Variants in SNX13 observed in about 807,000 individuals in gnomAD.
The protein encoded by SNX13 is sorting nexin-13.
A neutral mutation model predicts 133.6 loss-of-function variants in SNX13; 45 were observed. That is an observed-to-expected ratio of 0.34 (90% CI 0.27 to 0.43). SNX13 has a LOEUF of 0.43. Ranked by LOEUF, SNX13 falls within the 20% of genes least tolerant of loss-of-function variation. The probability of loss-of-function intolerance (pLI) is 1.00; values close to 1 mark genes in which losing one functional copy is unlikely to be tolerated. For synonymous variants in SNX13, 414 were observed against 373.9 expected, an observed-to-expected ratio of 1.11 and a Z score of -1.24; for missense variants, 1,032 against 1,145.1, an observed-to-expected ratio of 0.90 and a Z score of 1.43.
At chr7:17,840,139 T>C in intron 12 of SNX13, 139 bp from the exon 13 acceptor site, 1 of 635,920 alleles carries the variant, frequency 1.6e-6, no homozygotes, top group Non-Finnish European at 2.4e-6. Context: ...AGCAAATCCC[T>C]GAGGTGAAAA....
intron 5 of SNX13, chr7:17,882,836 C>T: frequency 7.8e-7 from 1 of 1,277,290 alleles, no homozygotes; most frequent in Non-Finnish European, 1.0e-6. Flanking sequence ...TTCTAGGAGA[C>T]ACAGTGAGAC....
intron 7 of SNX13, among the ~76,000 whole-genome samples, chr7:17,874,891 A>T (rs914367635): frequency 6.6e-6 from 1 of 152,256 alleles, no homozygotes; most frequent in Non-Finnish European, 1.5e-5. Flanking sequence ...ATTTTATGGT[A>T]ACAGGTATAC....
intron 2 of SNX13, among the ~76,000 whole-genome samples, chr7:17,894,780 T>TA (rs1230908239): frequency 6.6e-6 from 1 of 152,164 alleles, no homozygotes; most frequent in Non-Finnish European, 1.5e-5. Context: ...AAGGGAACAG[T>TA]AAAACATTAA....
intron 15 of SNX13, among the ~76,000 whole-genome samples, chr7:17,833,241 G>T (rs149427009): frequency 6.6e-6 from 1 of 151,554 alleles, no homozygotes; most frequent in Non-Finnish European, 1.5e-5. Context: ...GTGTTCTAAA[G>T]GCTATCCCTC....
At chr7:17,912,541 G>A (rs535354496) in intron 1 of SNX13, among the ~76,000 whole-genome samples, 1 of 152,042 alleles carries the variant, frequency 6.6e-6, no homozygotes, top group Admixed American at 6.5e-5. Flanking sequence ...CTCCTGAGTA[G>A]CTGGGATTAC....
At chr7:17,853,712 G>A (rs1467744948) in intron 9 of SNX13, among the ~76,000 whole-genome samples, 1 of 152,208 alleles carries the variant, frequency 6.6e-6, no homozygotes, top group Non-Finnish European at 1.5e-5. Context: ...GGGAGGCTGA[G>A]GCGGGTGGAT....
chr7:17,801,532 A>G, intron 22 of SNX13, 56 bp downstream of exon 22: 2 of 1,375,500 alleles, frequency 1.5e-6, no homozygotes, highest in Non-Finnish European at 2.0e-6. Context: ...AAAAAGTTAA[A>G]AAGATATGCC....
chr7:17,869,136 T>C (rs1654758768), intron 8 of SNX13, among the ~76,000 whole-genome samples: 1 of 152,122 alleles, frequency 6.6e-6, no homozygotes, highest in African/African-American at 2.4e-5. Flanking sequence ...AAATAAATCT[T>C]GATCATTCCA....
Position 17,868,447 on chromosome 7 carries a change from A to G in SNX13, c.797T>C (p.Leu266Pro). 6.2e-7 allele frequency: 1 copy of G among 1,610,304 alleles called. No homozygotes were observed. Among genetic ancestry groups the G allele is most frequent in the Non-Finnish European group, 8.5e-7 (1 of 1,178,220 alleles). Residue 266 changes from leucine (L) to proline (P), a missense_variant, in exon 9 of 26, where the codon CTC becomes CCC. By Grantham distance (98) the Leu-to-Pro change is moderately conservative. Coordinates refer to ENST00000428135, the MANE Select transcript of SNX13 (RefSeq NM_015132.5). ...CTGATTAATATAATCAGGATCACTG[A>G]GTTGATTTATTAATGGAAGAAGAAT... ...RGILLPLINQ[L>P]SDPDYINQYV...
intron 9 of SNX13, among the ~76,000 whole-genome samples, chr7:17,860,908 A>C (rs372311327): frequency 3.9e-5 from 6 of 152,214 alleles, no homozygotes; most frequent in African/African-American, 1.4e-4. Flanking sequence ...GCAAAGAAAT[A>C]TCATTGGGAT....
intron 11 of SNX13, among the ~76,000 whole-genome samples, chr7:17,848,320 A>G (rs1259552455): frequency 6.6e-6 from 1 of 151,960 alleles, no homozygotes; most frequent in Non-Finnish European, 1.5e-5. Context: ...AGTCTCCAGC[A>G]TTTACCATCT....
At chr7:17,871,982 A>G (rs1794175126) in intron 8 of SNX13, among the ~76,000 whole-genome samples, 1 of 152,226 alleles carries the variant, frequency 6.6e-6, no homozygotes, top group South Asian at 2.1e-4. Flanking sequence ...AAAGGCACAC[A>G]GGATATGGAG....
Position 17,875,245 on chromosome 7 carries a change from G to A in SNX13, c.664+235C>T, listed in dbSNP as rs138854246. Among the ~76,000 whole-genome samples, 208 of 152,052 alleles carry A rather than the reference G, an allele frequency of 1.4e-3. 6 individuals are homozygous for A. In the East Asian group the frequency reaches 0.035, roughly 25 times the overall value. On this transcript the variant is annotated intron_variant, in intron 7 of 25. Transcript: ENST00000428135. Reference sequence around the variant, plus strand: ...GGCCTCCCAAAATGATGGGATTACAGGCATGAGCCACTGCACCCAGCCAGG... The same window carrying A: ...GGCCTCCCAAAATGATGGGATTACAAGCATGAGCCACTGCACCCAGCCAGG...
intron 1 of SNX13, among the ~76,000 whole-genome samples, chr7:17,927,231 G>GTATA (rs915143471): frequency 6.1e-5 from 9 of 148,692 alleles, no homozygotes; most frequent in African/African-American, 2.2e-4. Flanking sequence ...GTGCATGTGT[G>GTATA]TATATATATA....
intron 20 of SNX13, among the ~76,000 whole-genome samples, chr7:17,806,016 A>G (rs1050717556): frequency 2.6e-5 from 4 of 152,190 alleles, no homozygotes; most frequent in Non-Finnish European, 5.9e-5. Context: ...AGATTTTTAG[A>G]AAAAAAGAAA....
intron 20 of SNX13, among the ~76,000 whole-genome samples, chr7:17,808,669 T>G (rs561706111): frequency 6.6e-6 from 1 of 152,142 alleles, no homozygotes; most frequent in Non-Finnish European, 1.5e-5. Context: ...TCACCAAGGT[T>G]GAAATGAAGG....
At chr7:17,911,966 G>A (rs905788523) in intron 1 of SNX13, among the ~76,000 whole-genome samples, 4 of 152,060 alleles carry the variant, frequency 2.6e-5, no homozygotes, top group Non-Finnish European at 4.4e-5. Context: ...ACTAAATGTT[G>A]GCATTCTATA....
At chr7:17,824,284 C>G (rs1448612971) in intron 17 of SNX13, among the ~76,000 whole-genome samples, 1 of 152,122 alleles carries the variant, frequency 6.6e-6, no homozygotes, top group African/African-American at 2.4e-5. Context: ...GGAAGCAATA[C>G]ACATACTAGA....
chr7:17,884,063 G>A (rs1420558948), intron 5 of SNX13, among the ~76,000 whole-genome samples: 4 of 152,110 alleles, frequency 2.6e-5, no homozygotes, highest in Non-Finnish European at 4.4e-5. Flanking sequence ...TTAGAAAAAA[G>A]TTTGCTGATT....
Sources: allele counts gnomAD v4.1 joint callset (sites outside exome capture counted in the v4.1 genomes callset), GRCh38; gene constraint gnomAD v4.1.1; transcripts MANE v1.5; gene names NCBI Gene and HGNC (gene_info 2026-07-23, HGNC 2026-07-21).